Variants in PDE3A observed in about 807,000 individuals in gnomAD.
PDE3A encodes the protein phosphodiesterase 3A.
In PDE3A, 43 loss-of-function variants were observed where a neutral mutation model predicts 98.3. The observed-to-expected ratio is 0.44, with a 90% CI of 0.34 to 0.56. The LOEUF (loss-of-function observed/expected upper bound fraction) is 0.56. Ranked by LOEUF, PDE3A falls within the 20% of genes least tolerant of loss-of-function variation. PDE3A has a pLI of 0.01. For synonymous variants in PDE3A, 663 were observed against 567.9 expected, an observed-to-expected ratio of 1.17 and a Z score of -2.38; for missense variants, 1,427 against 1,440.7, an observed-to-expected ratio of 0.99 and a Z score of 0.15.
chr12:20,655,055 G>T (rs1285742277), intron 15 of PDE3A, among the ~76,000 whole-genome samples: 1 of 152,062 alleles, frequency 6.6e-6, no homozygotes, highest in South Asian at 2.1e-4. Flanking sequence ...CCTTATAGAA[G>T]TACATTCTAG....
chr12:20,520,128 G>T (rs141733960), intron 1 of PDE3A, among the ~76,000 whole-genome samples: 1 of 152,126 alleles, frequency 6.6e-6, no homozygotes, highest in Non-Finnish European at 1.5e-5. Flanking sequence ...AAAATCCAAC[G>T]TGTTTGGTGA....
At chr12:20,551,627 G>A (rs1942203245) in intron 1 of PDE3A, 4 of 1,578,260 alleles carry the variant, frequency 2.5e-6, no homozygotes, top group Non-Finnish European at 3.4e-6. Context: ...CAGCTCATGT[G>A]CGATGAGTGC....
At chr12:20,375,315 A>T (rs1295131188) in intron 1 of PDE3A, among the ~76,000 whole-genome samples, 3 of 151,964 alleles carry the variant, frequency 2.0e-5, no homozygotes, top group African/African-American at 7.2e-5. Context: ...CTTTCATGAT[A>T]GGTAGTATTT....
At chr12:20,547,280 A>G (rs1239684458) in intron 1 of PDE3A, among the ~76,000 whole-genome samples, 1 of 152,098 alleles carries the variant, frequency 6.6e-6, no homozygotes, top group African/African-American at 2.4e-5. Flanking sequence ...AAGCTTCTTT[A>G]TAGCTTTATC....
chr12:20,533,432 T>C (rs1941662771), intron 1 of PDE3A, among the ~76,000 whole-genome samples: 1 of 151,816 alleles, frequency 6.6e-6, no homozygotes, highest in African/African-American at 2.4e-5. Context: ...TGCTTGGAGT[T>C]ACCCACCTTC....
At chr12:20,395,845 T>C (rs2120633356) in intron 1 of PDE3A, among the ~76,000 whole-genome samples, 1 of 151,610 alleles carries the variant, frequency 6.6e-6, no homozygotes, top group South Asian at 2.1e-4. Flanking sequence ...ATCAATGAGG[T>C]TCGTTAAAAA....
chr12:20,646,639 G>A (rs773240073), intron 11 of PDE3A, 36 bp downstream of exon 11: 1 of 1,405,758 alleles, frequency 7.1e-7, no homozygotes, highest in South Asian at 1.2e-5. Context: ...CCTTATGAAA[G>A]ATGGGAACAA....
intron 1 of PDE3A, among the ~76,000 whole-genome samples, chr12:20,434,802 A>G (rs1392592631): frequency 1.3e-5 from 2 of 152,192 alleles, no homozygotes. Context: ...TGCTGATTGT[A>G]TAGAGTGGGA....
chr12:20,514,016 C>T (rs1017865984), intron 1 of PDE3A, among the ~76,000 whole-genome samples: 1 of 152,218 alleles, frequency 6.6e-6, no homozygotes, highest in Non-Finnish European at 1.5e-5. Context: ...TAGTCTGTTA[C>T]ACTTGCAGTG....
rs967897962 is a variant in PDE3A, at chr12:20,681,342, A to G, written c.*1071A>G. The G allele has an allele frequency of 3.3e-5, 5 of 152,226 alleles. No individual in the cohort carries two copies. The highest frequency in any genetic ancestry group is 5.9e-5 in the Non-Finnish European group (4 of 68,038). 9.4% of individuals were successfully genotyped at this position (152,226 alleles called of 1,614,324 possible). Reference sequence around the variant, plus strand: ...TGAAGTCAGGTCTTTTAATCAGGTTAGAATTCTAAATGATGCCAGAGAAGG... The same window carrying G: ...TGAAGTCAGGTCTTTTAATCAGGTTGGAATTCTAAATGATGCCAGAGAAGG... On this transcript the variant is annotated 3_prime_UTR_variant, in exon 16 of 16. Transcript: ENST00000359062.
At chr12:20,606,683 A>T (rs1943716946) in intron 2 of PDE3A, among the ~76,000 whole-genome samples, 1 of 151,548 alleles carries the variant, frequency 6.6e-6, no homozygotes, top group Admixed American at 6.6e-5. Context: ...ACATGGAGAA[A>T]CCCTGTCTCT....
At chr12:20,670,876 C>A (rs1945456850) in intron 15 of PDE3A, among the ~76,000 whole-genome samples, 1 of 133,474 alleles carries the variant, frequency 7.5e-6, no homozygotes, top group South Asian at 2.5e-4. Flanking sequence ...AATAGAGACA[C>A]AAAAAACCCT....
At chr12:20,383,056 T>C (rs1281162160) in intron 1 of PDE3A, among the ~76,000 whole-genome samples, 2 of 151,896 alleles carry the variant, frequency 1.3e-5, no homozygotes, top group Non-Finnish European at 2.9e-5. Flanking sequence ...AGAGATCTGA[T>C]AGGGACTTCA....
chr12:20,589,868 TAAAAAAA>T (rs11362815), intron 2 of PDE3A, among the ~76,000 whole-genome samples: 1 of 112,398 alleles, frequency 8.9e-6, no homozygotes, highest in African/African-American at 3.4e-5. Flanking sequence ...GACTGCATCT[TAAAAAAA>T]AAAAAAAAAA....
chr12:20,551,625 G>C (rs976312724), intron 1 of PDE3A: 4 of 1,576,850 alleles, frequency 2.5e-6, no homozygotes, highest in Non-Finnish European at 3.4e-6. Context: ...AGCAGCTCAT[G>C]TGCGATGAGT....
chr12:20,564,250 A>G (rs929639421), intron 2 of PDE3A, among the ~76,000 whole-genome samples: 3 of 152,140 alleles, frequency 2.0e-5, no homozygotes, highest in African/African-American at 7.2e-5. Context: ...GACATTGTCA[A>G]ATGTTCCCTG....
chr12:20,369,190 CGTGTGTGT>C lies in PDE3A; in HGVS notation c.-81_-74del, dbSNP rs140759925. ...GGTGGAATTGGGAAGAGCGTGCGTG[CGTGTGTGT>C]GTGTGTGTGTGTGCGCGCGCGCGCG... is the stretch of plus-strand genomic sequence containing the variant. On this transcript the variant is annotated 5_prime_UTR_variant, in exon 1 of 16. Transcript: ENST00000359062. 59 of 653,508 alleles carry C rather than the reference CGTGTGTGT, an allele frequency of 9.0e-5. No homozygotes were observed. The highest frequency in any genetic ancestry group is 1.3e-4 in the Non-Finnish European group (51 of 405,966). 40.5% of individuals were successfully genotyped at this position (653,508 alleles called of 1,614,324 possible).
chr12:20,456,799 T>C (rs1449261790), intron 1 of PDE3A, among the ~76,000 whole-genome samples: 1 of 152,094 alleles, frequency 6.6e-6, no homozygotes, highest in Non-Finnish European at 1.5e-5. Flanking sequence ...TGATGACTGG[T>C]AAAAAGAATT....
chr12:20,628,821 T>C (rs568103805), intron 5 of PDE3A, among the ~76,000 whole-genome samples: 3 of 152,274 alleles, frequency 2.0e-5, no homozygotes, highest in Admixed American at 2.0e-4. Context: ...ACAAACTTAA[T>C]ATTCTTTTCA....
Sources: gnomAD v4.1 joint callset for allele counts (sites outside exome capture counted in the v4.1 genomes callset) on GRCh38, gnomAD v4.1.1 for gene constraint, MANE v1.5 for transcripts, NCBI Gene and HGNC (gene_info 2026-07-23, HGNC 2026-07-21) for gene names.